ATXN7L1: variants seen among roughly 807,000 people sequenced by gnomAD.
ATXN7L1 encodes the protein ataxin 7 like 1.
In ATXN7L1, 15 loss-of-function variants were observed where a neutral mutation model predicts 70.8. The ratio of observed to expected loss-of-function variants is 0.21; its 90% CI spans 0.14 to 0.33. The LOEUF is 0.33. Ranked by LOEUF, ATXN7L1 falls within the 10% of genes least tolerant of loss-of-function variation. The probability of loss-of-function intolerance (pLI) is 1.00; values close to 1 mark genes in which losing one functional copy is unlikely to be tolerated. For synonymous variants in ATXN7L1, 440 were observed against 445.1 expected, an observed-to-expected ratio of 0.99 and a Z score of 0.14; for missense variants, 975 against 1,097.1, an observed-to-expected ratio of 0.89 and a Z score of 1.57.
chr7:105,620,300 G>A lies in ATXN7L1; in HGVS notation c.1417C>T (p.Leu473Phe). 1 of 1,549,850 alleles carries A rather than the reference G, an allele frequency of 6.5e-7. No homozygotes were observed. Among genetic ancestry groups the A allele is most frequent in the Non-Finnish European group, 8.7e-7 (1 of 1,146,484 alleles). ...PLAFCSFGSR[L>F]MGRGYYVFDR... ...AACACATAGTACCCTCGTCCCATGA[G>A]GCGACTCCCAAATGAGCAAAACTGT... The change falls in exon 9 of 12, where the codon CTC becomes TTC. Residue 473 changes from leucine to phenylalanine, a missense_variant. Leu to Phe is a conservative substitution (Grantham distance 22). This residue lies in a region of ATXN7L1 where 635 missense variants were observed against 699.4 expected (regional missense o/e 0.91). Coordinates refer to ENST00000419735, the MANE Select transcript of ATXN7L1 (RefSeq NM_020725.2).
intron 3 of ATXN7L1, among the ~76,000 whole-genome samples, chr7:105,684,217 G>A (rs1468643731): frequency 6.6e-6 from 1 of 152,214 alleles, no homozygotes; most frequent in African/African-American, 2.4e-5. Flanking sequence ...TCTGCGTTGT[G>A]GGAGTCACTA....
intron 3 of ATXN7L1, among the ~76,000 whole-genome samples, chr7:105,723,981 CCTT>C (rs1277771858): frequency 6.6e-6 from 1 of 152,168 alleles, no homozygotes; most frequent in Non-Finnish European, 1.5e-5. Context: ...GGACTAAAAT[CCTT>C]CTTTGATGTA....
At chr7:105,659,802 T>C (rs1374344888) in intron 4 of ATXN7L1, among the ~76,000 whole-genome samples, 1 of 152,166 alleles carries the variant, frequency 6.6e-6, no homozygotes, top group East Asian at 1.9e-4. Flanking sequence ...TCTACACTGA[T>C]GACTCTCTAG....
chr7:105,865,667 C>A (rs1817339948), intron 2 of ATXN7L1, among the ~76,000 whole-genome samples: 1 of 152,190 alleles, frequency 6.6e-6, no homozygotes, highest in Non-Finnish European at 1.5e-5. Flanking sequence ...TCCCAAAGTG[C>A]TGGGATTACA....
At chr7:105,872,429 C>A (rs1818405307) in intron 2 of ATXN7L1, among the ~76,000 whole-genome samples, 1 of 152,068 alleles carries the variant, frequency 6.6e-6, no homozygotes, top group African/African-American at 2.4e-5. Flanking sequence ...AAATGTCCAC[C>A]AACAGATAAG....
chr7:105,737,203 C>T lies in ATXN7L1; in HGVS notation c.355+51401G>A, dbSNP rs150664568. Reference sequence around the variant, plus strand: ...TCCTCTAGATTTTCAAATGTATTGCCATAGATTTTCACATACAACGCTTTG... The same window carrying T: ...TCCTCTAGATTTTCAAATGTATTGCTATAGATTTTCACATACAACGCTTTG... On this transcript the variant is annotated intron_variant, in intron 3 of 11. Transcript: ENST00000419735. Among the ~76,000 whole-genome samples the T allele has an allele frequency of 3.7e-3, 558 of 152,320 alleles. 3 individuals are homozygous for T. The highest frequency in any genetic ancestry group is 6.0e-3 in the Non-Finnish European group (408 of 68,012).
chr7:105,655,562 C>T (rs1250107464), intron 4 of ATXN7L1, among the ~76,000 whole-genome samples: 2 of 151,980 alleles, frequency 1.3e-5, no homozygotes, highest in Non-Finnish European at 2.9e-5. Flanking sequence ...GCAGTGTCTG[C>T]GGCTCCTTGG....
At chr7:105,687,798 G>C (rs1790146360) in intron 3 of ATXN7L1, among the ~76,000 whole-genome samples, 1 of 152,162 alleles carries the variant, frequency 6.6e-6, no homozygotes, top group South Asian at 2.1e-4. Context: ...CAGTGTGACA[G>C]AGCAGGAATG....
intron 3 of ATXN7L1, among the ~76,000 whole-genome samples, chr7:105,668,831 G>A (rs1803061178): frequency 6.6e-6 from 1 of 152,162 alleles, no homozygotes; most frequent in Non-Finnish European, 1.5e-5. Context: ...TTGAGCCTGG[G>A]AGGTAGAGGC....
chr7:105,634,635 C>A (rs570931372), intron 7 of ATXN7L1, among the ~76,000 whole-genome samples: 1 of 151,960 alleles, frequency 6.6e-6, no homozygotes, highest in Non-Finnish European at 1.5e-5. Flanking sequence ...GGATTACATA[C>A]GTGAGCCACT....
At chr7:105,697,492 T>C (rs1324802309) in intron 3 of ATXN7L1, among the ~76,000 whole-genome samples, 1 of 152,270 alleles carries the variant, frequency 6.6e-6, no homozygotes, top group Non-Finnish European at 1.5e-5. Flanking sequence ...TCTTACTCTC[T>C]GAACAATTGC....
intron 4 of ATXN7L1, among the ~76,000 whole-genome samples, chr7:105,654,991 G>A (rs575453735): frequency 4.5e-4 from 67 of 150,342 alleles, no homozygotes; most frequent in Non-Finnish European, 8.4e-4. Flanking sequence ...CGATCTGCCC[G>A]CTTCAGTCTC....
At chr7:105,860,300 G>A (rs1453338452) in intron 2 of ATXN7L1, among the ~76,000 whole-genome samples, 2 of 151,800 alleles carry the variant, frequency 1.3e-5, no homozygotes, top group Middle Eastern at 3.2e-3. Flanking sequence ...GTGCAGAGTG[G>A]GGGTTACTAC....
At chr7:105,689,586 A>G (rs1790471540) in intron 3 of ATXN7L1, among the ~76,000 whole-genome samples, 1 of 152,138 alleles carries the variant, frequency 6.6e-6, no homozygotes, top group Admixed American at 6.5e-5. Flanking sequence ...AAACCAACAC[A>G]CACCTCAAGC....
intron 3 of ATXN7L1, among the ~76,000 whole-genome samples, chr7:105,776,626 G>A (rs901739634): frequency 6.6e-6 from 1 of 152,156 alleles, no homozygotes; most frequent in African/African-American, 2.4e-5. Flanking sequence ...TTGAGAGTGT[G>A]AGAGGGGGGA....
intron 4 of ATXN7L1, among the ~76,000 whole-genome samples, chr7:105,656,315 C>T (rs1800624569): frequency 6.6e-6 from 1 of 152,192 alleles, no homozygotes; most frequent in Admixed American, 6.5e-5. Flanking sequence ...TATGTGGGGA[C>T]CGAGTCTTCT....
At chr7:105,870,486 G>A (rs1316145790) in intron 2 of ATXN7L1, among the ~76,000 whole-genome samples, 6 of 152,106 alleles carry the variant, frequency 3.9e-5, no homozygotes, top group Middle Eastern at 3.4e-3. Context: ...AATAGTAAAA[G>A]CCAACATTCA....
rs1792822549 is a variant in ATXN7L1, at chr7:105,607,776, C to T, written c.*76G>A. On this transcript the variant is annotated 3_prime_UTR_variant, in exon 12 of 12. Transcript: ENST00000419735. Reference sequence around the variant, plus strand: ...GACTCTCCCCCCAGCCCACTCCCCTCCCTCCTCCTCCCCATGGCCTCCTCG... The same window carrying T: ...GACTCTCCCCCCAGCCCACTCCCCTTCCTCCTCCTCCCCATGGCCTCCTCG... The T allele has an allele frequency of 7.3e-6, 10 of 1,366,428 alleles. No individual in the cohort carries two copies. Among genetic ancestry groups the T allele is most frequent in the Non-Finnish European group, 1.0e-5 (10 of 978,748 alleles). 84.6% of individuals were successfully genotyped at this position (1,366,428 alleles called of 1,614,324 possible).
At chr7:105,763,980 A>G (rs1800901643) in intron 3 of ATXN7L1, among the ~76,000 whole-genome samples, 1 of 151,830 alleles carries the variant, frequency 6.6e-6, no homozygotes, top group Non-Finnish European at 1.5e-5. Context: ...TAGCCTCCCA[A>G]GGAGCTGGGA....
Sources: gnomAD v4.1 joint callset for allele counts (sites outside exome capture counted in the v4.1 genomes callset) on GRCh38, gnomAD v4.1.1 for gene constraint, gnomAD v4.1.1 regional missense constraint, MANE v1.5 for transcripts, NCBI Gene and HGNC (gene_info 2026-07-23, HGNC 2026-07-21) for gene names.